Variants in PPP4R3A observed in about 807,000 individuals in gnomAD.
PPP4R3A encodes the protein serine/threonine-protein phosphatase 4 regulatory subunit 3A.
A neutral mutation model predicts 91.7 loss-of-function variants in PPP4R3A; 15 were observed. The observed-to-expected ratio is 0.16, with a 90% CI of 0.11 to 0.25. The LOEUF is 0.25. Among genes scored for constraint, PPP4R3A ranks in the 10% least tolerant of loss-of-function variants. The pLI is 1.00. For missense variants in PPP4R3A, 623 were observed against 998.4 expected (o/e 0.62, Z 5.07); for synonymous variants, 377 against 348.7 (o/e 1.08, Z -0.91).
chr14:91,487,969 G>T (rs757167176), intron 2 of PPP4R3A, among the ~76,000 whole-genome samples: 1 of 152,124 alleles, frequency 6.6e-6, no homozygotes, highest in Non-Finnish European at 1.5e-5. Flanking sequence ...AATTATAGGC[G>T]TGAGCCACCA....
chr14:91,479,346 ATTCT>A (rs905522856), intron 4 of PPP4R3A, among the ~76,000 whole-genome samples: 2 of 148,460 alleles, frequency 1.3e-5, no homozygotes, highest in African/African-American at 2.5e-5. Flanking sequence ...GCAAATAACA[ATTCT>A]TTCTTTGTAC....
At chr14:91,498,916 TC>T (rs1890763047) in intron 1 of PPP4R3A, among the ~76,000 whole-genome samples, 1 of 55,964 alleles carries the variant, frequency 1.8e-5, no homozygotes, top group Non-Finnish European at 3.6e-5. Flanking sequence ...AGACTCCAAC[TC>T]AAAAAAAAAA....
intron 4 of PPP4R3A, among the ~76,000 whole-genome samples, chr14:91,480,248 G>T (rs1312156157): frequency 1.3e-5 from 2 of 152,114 alleles, no homozygotes; most frequent in Admixed American, 6.5e-5. Context: ...TTACATGCCT[G>T]ACCTCAGTTA....
At chr14:91,466,119 T>TG (rs1888458083) in intron 10 of PPP4R3A, 3 of 403,930 alleles carry the variant, frequency 7.4e-6, no homozygotes, top group Admixed American at 1.3e-4. Context: ...TCTTGAGGTA[T>TG]GGGGAGTTAC....
At chr14:91,487,719 T>G (rs75609394) in intron 2 of PPP4R3A, among the ~76,000 whole-genome samples, 5 of 112,782 alleles carry the variant, frequency 4.4e-5, no homozygotes, top group South Asian at 2.8e-4. Flanking sequence ...TTCTGTTTTT[T>G]TTTGTTTGTT....
At chr14:91,471,436 T>G (rs970110074) in intron 9 of PPP4R3A, among the ~76,000 whole-genome samples, 1 of 152,124 alleles carries the variant, frequency 6.6e-6, no homozygotes, top group African/African-American at 2.4e-5. Flanking sequence ...TCCAGTGTGT[T>G]TTGTGCCTCC....
At chr14:91,509,364 G>C (rs966020147) in intron 1 of PPP4R3A, 142 bp downstream of exon 1, 3 of 1,191,860 alleles carry the variant, frequency 2.5e-6, no homozygotes, top group African/African-American at 3.1e-5. Flanking sequence ...GGGGTACCTG[G>C]GGCCCGTCCT....
intron 12 of PPP4R3A, among the ~76,000 whole-genome samples, chr14:91,462,490 C>T (rs1888220042): frequency 7.5e-6 from 1 of 132,874 alleles, no homozygotes; most frequent in African/African-American, 2.9e-5. Context: ...GCCTCACTTC[C>T]ACTGTTTGGT....
At chr14:91,471,770 T>C (rs1888848835) in intron 9 of PPP4R3A, among the ~76,000 whole-genome samples, 1 of 152,088 alleles carries the variant, frequency 6.6e-6, no homozygotes, top group Non-Finnish European at 1.5e-5. Flanking sequence ...TTATGCTATA[T>C]TAAGAATTCA....
At chr14:91,503,372 C>T (rs1891079214) in intron 1 of PPP4R3A, among the ~76,000 whole-genome samples, 1 of 151,772 alleles carries the variant, frequency 6.6e-6, no homozygotes, top group African/African-American at 2.4e-5. Context: ...ACTGTAGCCT[C>T]GACCTCTGGG....
chr14:91,490,851 A>T, intron 1 of PPP4R3A, 49 bp from the exon 2 acceptor site: 1 of 1,258,676 alleles, frequency 7.9e-7, no homozygotes, highest in African/African-American at 1.5e-5. Flanking sequence ...AAACAGCAAA[A>T]TTATATTCCC....
chr14:91,462,692 G>A (rs539167805), intron 12 of PPP4R3A, 43 bp downstream of exon 12: 43 of 1,607,630 alleles, frequency 2.7e-5, no homozygotes, highest in East Asian at 1.3e-4. Flanking sequence ...ACTACCATAC[G>A]ACTTGATGCT....
At chr14:91,508,099 G>C (rs565694840) in intron 1 of PPP4R3A, among the ~76,000 whole-genome samples, 180 of 152,234 alleles carry the variant, frequency 1.2e-3, no homozygotes, top group African/African-American at 4.1e-3. Flanking sequence ...TATTATGTGA[G>C]TCACATACAA....
chr14:91,507,042 G>A (rs1280356844), intron 1 of PPP4R3A, among the ~76,000 whole-genome samples: 1 of 152,052 alleles, frequency 6.6e-6, no homozygotes, highest in Non-Finnish European at 1.5e-5. Context: ...ATGGAGGTTC[G>A]GCGCAGTGGC....
chr14:91,483,933 G>C (rs1372345146), intron 3 of PPP4R3A, among the ~76,000 whole-genome samples: 1 of 152,206 alleles, frequency 6.6e-6, no homozygotes, highest in African/African-American at 2.4e-5. Flanking sequence ...TCAGGTTTGA[G>C]TTACACATTG....
chr14:91,485,276 A>T (rs1048174937), intron 3 of PPP4R3A, among the ~76,000 whole-genome samples: 1 of 152,260 alleles, frequency 6.6e-6, no homozygotes, highest in Non-Finnish European at 1.5e-5. Context: ...GGAAGGATAA[A>T]CAAGATCCAC....
intron 1 of PPP4R3A, among the ~76,000 whole-genome samples, chr14:91,497,404 A>G (rs1431963282): frequency 6.6e-6 from 1 of 151,880 alleles, no homozygotes; most frequent in Non-Finnish European, 1.5e-5. Flanking sequence ...CACATCTGAG[A>G]AAGACATTGT....
chr14:91,458,884 G>C lies in PPP4R3A; in HGVS notation c.2392-15C>G, dbSNP rs558905562. On this transcript the variant is annotated splice_polypyrimidine_tract_variant and intron_variant, in intron 14 of 14. Coordinates refer to ENST00000554943, the MANE Select transcript of PPP4R3A (RefSeq NM_001366432.2). ...ACGAGGCCTCCCTGTTAAGAAATAA[G>C]GATTATTTAAAGAACAGAAAATAAA... The C allele has an allele frequency of 1.9e-6, 3 of 1,584,130 alleles. No homozygotes were observed. The highest frequency in any genetic ancestry group is 2.6e-6 in the Non-Finnish European group (3 of 1,166,754).
chr14:91,488,508 AT>A (rs1328524108), intron 2 of PPP4R3A, among the ~76,000 whole-genome samples: 1 of 152,194 alleles, frequency 6.6e-6, no homozygotes, highest in African/African-American at 2.4e-5. Context: ...AACTATTAAC[AT>A]TCTAAGATCA....
Sources: allele counts gnomAD v4.1 joint callset (sites outside exome capture counted in the v4.1 genomes callset), GRCh38; gene constraint gnomAD v4.1.1; transcripts MANE v1.5; gene names NCBI Gene and HGNC (gene_info 2026-07-23, HGNC 2026-07-21).